The following TMPRSS15 variants were observed in gnomAD, a reference collection of about 807,000 sequenced individuals.
TMPRSS15 encodes enteropeptidase.
In TMPRSS15, 128 loss-of-function variants were observed where a neutral mutation model predicts 125.3. That is an observed-to-expected ratio of 1.02 (90% CI 0.89 to 1.18). The LOEUF (loss-of-function observed/expected upper bound fraction) is 1.18, where lower values mean the gene tolerates loss of function less well. Among genes scored for constraint, TMPRSS15 ranks in the 50% most tolerant of loss-of-function variants. The pLI, the probability that TMPRSS15 is intolerant of heterozygous loss-of-function variation, is 0.00. For synonymous variants in TMPRSS15, 446 were observed against 423.2 expected (o/e 1.05, Z -0.66); for missense variants, 1,283 against 1,212.7 (o/e 1.06, Z -0.86).
chr21:18,304,765 T>C (rs999355571), intron 18 of TMPRSS15, among the ~76,000 whole-genome samples: 3 of 152,186 alleles, frequency 2.0e-5, no homozygotes, highest in South Asian at 2.1e-4. Context: ...TAAAGAAATA[T>C]ATATTTCCAT....
intron 1 of TMPRSS15, among the ~76,000 whole-genome samples, chr21:18,399,778 T>A (rs2076077839): frequency 6.6e-6 from 1 of 152,026 alleles, no homozygotes; most frequent in South Asian, 2.1e-4. Context: ...AAGTCTAAAG[T>A]GAAGTCAAAA....
intron 1 of TMPRSS15, among the ~76,000 whole-genome samples, chr21:18,431,240 T>C (rs2076216031): frequency 6.6e-6 from 1 of 152,196 alleles, no homozygotes; most frequent in African/African-American, 2.4e-5. Context: ...AGGATGTTAT[T>C]GCTTTTATCC....
In TMPRSS15 at chr21:18,383,636, C is replaced by A. The variant is rs374403435; in HGVS notation, c.487G>T (p.Asp163Tyr). Reference protein sequence around the residue: ...VTFHIDLNSVDILDKLTTTSH... With the variant: ...VTFHIDLNSVYILDKLTTTSH... ...TAATGTTCACACATACCTAGGATAT[C>A]AACGCTGTTCAAATCAATATGGAAA... The change falls in exon 4 of 25, where the codon GAT becomes TAT. Residue 163 changes from aspartate to tyrosine, a missense_variant. Transcript: ENST00000284885. 3.7e-6 allele frequency: 6 copies of A among 1,613,600 alleles called. No individual in the cohort carries two copies. Among genetic ancestry groups the A allele is most frequent in the African/African-American group, 1.3e-5 (1 of 74,916 alleles).
At chr21:18,348,983 T>C (rs1264885778) in intron 10 of TMPRSS15, among the ~76,000 whole-genome samples, 1 of 152,196 alleles carries the variant, frequency 6.6e-6, no homozygotes, top group Non-Finnish European at 1.5e-5. Context: ...ATAAGGGAAT[T>C]GGGACAGAAA....
chr21:18,463,709 C>T (rs1978598248), intron 1 of TMPRSS15, among the ~76,000 whole-genome samples: 1 of 152,234 alleles, frequency 6.6e-6, no homozygotes, highest in East Asian at 1.9e-4. Context: ...GTAAAACACT[C>T]CTCAGCAAAT....
In TMPRSS15 at chr21:18,403,683, C is replaced by A. The variant is rs1198024825; in HGVS notation, c.-61G>T. 7 of 1,604,666 alleles carry A rather than the reference C, an allele frequency of 4.4e-6. No individual in the cohort carries two copies. The East Asian group carries it at 8.9e-5, about 21-fold the overall frequency. ...AAGAGAATATAAATAATTCTACCAACTGAAGAGAAAAATCTCTCAAATTTT... is the reference window on the plus strand; with the variant it reads ...AAGAGAATATAAATAATTCTACCAAATGAAGAGAAAAATCTCTCAAATTTT... On this transcript the variant is annotated 5_prime_UTR_variant, in exon 1 of 25. Coordinates refer to ENST00000284885, the MANE Select transcript of TMPRSS15 (RefSeq NM_002772.3).
At chr21:18,394,833 T>C (rs998958338) in intron 3 of TMPRSS15, among the ~76,000 whole-genome samples, 6 of 152,316 alleles carry the variant, frequency 3.9e-5, no homozygotes, top group African/African-American at 1.4e-4. Context: ...TTATAAAGGC[T>C]ATTTCTCCAC....
intron 18 of TMPRSS15, among the ~76,000 whole-genome samples, chr21:18,305,009 G>A (rs1431080374): frequency 6.6e-6 from 1 of 151,990 alleles, no homozygotes; most frequent in Admixed American, 6.6e-5. Flanking sequence ...ACTGACAAAA[G>A]TACCTATGAC....
chr21:18,339,997 A>T (rs2075431044), intron 13 of TMPRSS15, among the ~76,000 whole-genome samples: 1 of 152,138 alleles, frequency 6.6e-6, no homozygotes, highest in Admixed American at 6.5e-5. Flanking sequence ...GGAGTAACAC[A>T]TGAGTGGATC....
chr21:18,317,273 C>T (rs1345901907), intron 16 of TMPRSS15, among the ~76,000 whole-genome samples: 2 of 151,976 alleles, frequency 1.3e-5, no homozygotes, highest in Non-Finnish European at 2.9e-5. Context: ...AATACCATTA[C>T]ACTTCTAAAG....
intron 1 of TMPRSS15, among the ~76,000 whole-genome samples, chr21:18,473,785 G>A (rs962233944): frequency 6.6e-6 from 1 of 151,982 alleles, no homozygotes; most frequent in African/African-American, 2.4e-5. Context: ...CCTGCATATT[G>A]TAATTCATTA....
intron 1 of TMPRSS15, among the ~76,000 whole-genome samples, chr21:18,454,007 A>G (rs996455817): frequency 6.6e-6 from 1 of 152,204 alleles, no homozygotes; most frequent in Non-Finnish European, 1.5e-5. Context: ...AAGCAAATTC[A>G]TAGTTATTTT....
rs531575524 is a variant in TMPRSS15, at chr21:18,271,463, G to A, written c.2905-1339C>T. ...GGTTGCAGTTACTCAAGGATCCTGC[G>A]GCAGACTTGTTGCCTATCGGCTGGG... is the stretch of plus-strand genomic sequence containing the variant. On this transcript the variant is annotated intron_variant, in intron 24 of 24. Transcript: ENST00000284885. 2.1e-4 allele frequency among the ~76,000 whole-genome samples: 32 copies of A among 152,218 alleles called. 1 individual carries two copies. The highest frequency in any genetic ancestry group is 1.5e-3 in the South Asian group (7 of 4,816).
At position 18,483,541 on chromosome 21, in the gene TMPRSS15, C is replaced by G. The variant is rs1979023688; in HGVS notation, c.10+2258G>C. Among the ~76,000 whole-genome samples the G allele has an allele frequency of 2.6e-5, 4 of 151,730 alleles. No homozygotes were observed. In the South Asian group the frequency reaches 8.3e-4, roughly 31 times the overall value. ...TAGCGTAACATTTTTATTGGCAAAC[C>G]TGTAAAATTCCTTTAGAAAATTATA... On this transcript the variant is annotated intron_variant, in intron 1 of 7. Transcript: ENST00000422787.
At position 18,482,294 on chromosome 21, in the gene TMPRSS15, T is replaced by C. The variant is rs551398003; in HGVS notation, c.10+3505A>G. On this transcript the variant is annotated intron_variant, in intron 1 of 7. Transcript: ENST00000422787. ...CTTTATACATTTAAATCAGAATTTT[T>C]ACACTTCTAAAAATAGTATCTTAAA... Among the ~76,000 whole-genome samples the C allele has an allele frequency of 3.3e-5, 5 of 151,670 alleles. No individual in the cohort carries two copies. The South Asian group carries it at 1.0e-3, about 31-fold the overall frequency.
At chr21:18,438,478 AT>A (rs1446206155) in intron 1 of TMPRSS15, among the ~76,000 whole-genome samples, 1 of 152,188 alleles carries the variant, frequency 6.6e-6, no homozygotes, top group Non-Finnish European at 1.5e-5. Context: ...AAGTATAATA[AT>A]AAAAAAAACA....
chr21:18,368,405 C>G (rs1428106557), intron 6 of TMPRSS15, among the ~76,000 whole-genome samples: 1 of 152,110 alleles, frequency 6.6e-6, no homozygotes, highest in Non-Finnish European at 1.5e-5. Context: ...CTGAGTTGGC[C>G]GATGAACGAT....
chr21:18,297,448 A>G (rs571376451), intron 19 of TMPRSS15, among the ~76,000 whole-genome samples: 2 of 152,182 alleles, frequency 1.3e-5, no homozygotes, highest in East Asian at 3.9e-4. Context: ...ATCTGAGGCT[A>G]ATGATAAAAA....
At chr21:18,382,240 T>C (rs1601417740) in intron 4 of TMPRSS15, among the ~76,000 whole-genome samples, 1 of 152,238 alleles carries the variant, frequency 6.6e-6, no homozygotes, top group African/African-American at 2.4e-5. Flanking sequence ...AGAGGATTAA[T>C]GTAGAGAGTA....
Sources: allele counts gnomAD v4.1 joint callset (sites outside exome capture counted in the v4.1 genomes callset), GRCh38; gene constraint gnomAD v4.1.1; transcripts MANE v1.5; gene names NCBI Gene and HGNC (gene_info 2026-07-23, HGNC 2026-07-21).